Variants in SOBP observed in about 807,000 individuals in gnomAD.
SOBP encodes sine oculis-binding protein homolog.
Under a neutral mutation model 53.6 loss-of-function variants are expected in SOBP, and 4 were observed. The ratio of observed to expected loss-of-function variants is 0.07; its 90% CI spans 0.04 to 0.17. The LOEUF is 0.17. Among genes scored for constraint, SOBP ranks in the 10% least tolerant of loss-of-function variants. The probability of loss-of-function intolerance (pLI) is 1.00; values close to 1 mark genes in which losing one functional copy is unlikely to be tolerated. For missense variants in SOBP, 1,088 were observed against 1,204.7 expected (o/e 0.90, Z 1.43); for synonymous variants, 584 against 522.6 (o/e 1.12, Z -1.60).
At chr6:107,555,461 C>T (rs559473851) in intron 4 of SOBP, among the ~76,000 whole-genome samples, 1 of 152,298 alleles carries the variant, frequency 6.6e-6, no homozygotes, top group South Asian at 2.1e-4. Context: ...TGAGTTCTCG[C>T]CCACATAGGT....
intron 6 of SOBP, among the ~76,000 whole-genome samples, chr6:107,653,906 C>T (rs1241412256): frequency 6.6e-6 from 1 of 152,166 alleles, no homozygotes; most frequent in African/African-American, 2.4e-5. Flanking sequence ...GTGAGAGTGG[C>T]CATATTTTGA....
intron 5 of SOBP, among the ~76,000 whole-genome samples, chr6:107,629,453 TTTC>T (rs1462797005): frequency 6.6e-6 from 1 of 152,196 alleles, no homozygotes; most frequent in Non-Finnish European, 1.5e-5. Context: ...GCCTGAGTTT[TTTC>T]TTAAGCCCAG....
intron 5 of SOBP, among the ~76,000 whole-genome samples, chr6:107,605,167 A>G (rs1423132266): frequency 1.3e-5 from 2 of 152,188 alleles, no homozygotes; most frequent in Non-Finnish European, 2.9e-5. Context: ...CTCTGGATAC[A>G]TTTCGCCTTT....
chr6:107,533,378 C>G (rs1783898449), intron 3 of SOBP, 81 bp from the exon 4 acceptor site: 1 of 1,475,116 alleles, frequency 6.8e-7, no homozygotes. Flanking sequence ...GCCCAGGTAG[C>G]TCTGTCAGGT....
intron 4 of SOBP, among the ~76,000 whole-genome samples, chr6:107,553,033 G>C (rs1036417970): frequency 1.3e-5 from 2 of 152,054 alleles, no homozygotes; most frequent in African/African-American, 2.4e-5. Flanking sequence ...GTGTGGAGTG[G>C]AGAATAAACC....
chr6:107,657,521 AT>A lies in SOBP; in HGVS notation c.*4-685del, dbSNP rs1434108791. Among the ~76,000 whole-genome samples the A allele has an allele frequency of 2.6e-5, 4 of 152,224 alleles. No individual in the cohort carries two copies. In the East Asian group the frequency reaches 7.7e-4, roughly 29 times the overall value. On this transcript the variant is annotated intron_variant, in intron 6 of 6. Transcript: ENST00000317357. ...TTGTGGGAAACTTCTGAAGATAGGT[AT>A]ATGTGTCCATGGTAATTTTCCACTT...
chr6:107,500,733 G>A (rs930404338), intron 1 of SOBP, among the ~76,000 whole-genome samples: 9 of 151,990 alleles, frequency 5.9e-5, no homozygotes, highest in African/African-American at 1.7e-4. Flanking sequence ...CACCATGTTA[G>A]CCAGGATGGT....
chr6:107,633,911 G>T lies in SOBP; in HGVS notation c.1067G>T (p.Ser356Ile), dbSNP rs1770834893. 6.2e-7 allele frequency: 1 copy of T among 1,613,954 alleles called. No individual in the cohort carries two copies. The highest frequency in any genetic ancestry group is 1.3e-5 in the African/African-American group (1 of 74,898). Reference protein sequence around the residue: ...PTPVPKSIPISETPNIPPVSV... With the variant: ...PTPVPKSIPIIETPNIPPVSV... ...CCAGTGCCCAAGTCCATCCCCATCA[G>T]CGAGACTCCAAATATCCCTCCTGTC... Residue 356 changes from serine (S) to isoleucine (I), a missense_variant, in exon 6 of 7, where the codon AGC becomes ATC. By Grantham distance (142) the Ser-to-Ile change is moderately radical. Transcript: ENST00000317357.
At chr6:107,652,340 A>G (rs1771836384) in intron 6 of SOBP, among the ~76,000 whole-genome samples, 1 of 152,252 alleles carries the variant, frequency 6.6e-6, no homozygotes, top group South Asian at 2.1e-4. Flanking sequence ...TGAAGGGTTC[A>G]AGAGTTCAGT....
At chr6:107,625,219 A>G (rs1770404007) in intron 5 of SOBP, among the ~76,000 whole-genome samples, 1 of 152,208 alleles carries the variant, frequency 6.6e-6, no homozygotes, top group African/African-American at 2.4e-5. Flanking sequence ...AGTAGTCACA[A>G]TAATAAAAGC....
intron 5 of SOBP, among the ~76,000 whole-genome samples, chr6:107,606,935 G>C (rs1265435377): frequency 1.3e-5 from 2 of 152,228 alleles, no homozygotes; most frequent in Non-Finnish European, 2.9e-5. Flanking sequence ...AGGTGAGGGA[G>C]CTTTGTGCCT....
At chr6:107,506,029 G>A (rs6936145) in intron 2 of SOBP, among the ~76,000 whole-genome samples, 13,073 of 152,246 alleles carry the variant, frequency 0.086, 765 homozygotes, top group South Asian at 0.15. Flanking sequence ...AGCTATCATA[G>A]TGGAGCAAAT....
At chr6:107,542,765 T>TG (rs933263152) in intron 4 of SOBP, among the ~76,000 whole-genome samples, 21 of 151,602 alleles carry the variant, frequency 1.4e-4, no homozygotes, top group African/African-American at 4.6e-4. Flanking sequence ...TTGTGTGTTT[T>TG]GTTTTTTTTT....
intron 4 of SOBP, among the ~76,000 whole-genome samples, chr6:107,585,901 A>G (rs1192722281): frequency 6.6e-6 from 1 of 152,224 alleles, no homozygotes; most frequent in Non-Finnish European, 1.5e-5. Flanking sequence ...CCATTAAAGG[A>G]GGAACAATAC....
chr6:107,528,903 A>G (rs1249132943), intron 3 of SOBP, among the ~76,000 whole-genome samples: 2 of 152,222 alleles, frequency 1.3e-5, no homozygotes, highest in Non-Finnish European at 1.5e-5. Context: ...GATTAGGAGC[A>G]AATTACTTAA....
At chr6:107,497,988 C>T (rs1782742771) in intron 1 of SOBP, among the ~76,000 whole-genome samples, 1 of 152,122 alleles carries the variant, frequency 6.6e-6, no homozygotes, top group African/African-American at 2.4e-5. Flanking sequence ...CTTACTAATA[C>T]TACATGTTAT....
intron 6 of SOBP, among the ~76,000 whole-genome samples, chr6:107,649,486 A>G (rs1397545915): frequency 6.6e-6 from 1 of 152,124 alleles, no homozygotes; most frequent in African/African-American, 2.4e-5. Context: ...CAAAAAAAAA[A>G]AGAAAACTCC....
At chr6:107,583,333 A>G (rs1785462792) in intron 4 of SOBP, among the ~76,000 whole-genome samples, 1 of 152,178 alleles carries the variant, frequency 6.6e-6, no homozygotes, top group Non-Finnish European at 1.5e-5. Flanking sequence ...AGTAATTCCA[A>G]GGTTGCAACC....
chr6:107,594,992 C>T (rs1417866205), intron 5 of SOBP, among the ~76,000 whole-genome samples: 3 of 152,184 alleles, frequency 2.0e-5, no homozygotes, highest in African/African-American at 4.8e-5. Context: ...CACATTTTTA[C>T]ATTCCAGGGC....
Sources: gnomAD v4.1 joint callset for allele counts (sites outside exome capture counted in the v4.1 genomes callset) on GRCh38, gnomAD v4.1.1 for gene constraint, MANE v1.5 for transcripts, NCBI Gene and HGNC (gene_info 2026-07-23, HGNC 2026-07-21) for gene names.